ARHGAP24: variants seen among roughly 807,000 people sequenced by gnomAD.
ARHGAP24 encodes Rho GTPase activating protein 24, also known as rho GTPase-activating protein 24.
In ARHGAP24, 50 loss-of-function variants were observed where a neutral mutation model predicts 76.4. The ratio of observed to expected loss-of-function variants is 0.65; its 90% CI spans 0.52 to 0.83. The LOEUF (loss-of-function observed/expected upper bound fraction) is 0.83. Among genes scored for constraint, ARHGAP24 ranks in the 40% least tolerant of loss-of-function variants. The pLI is 0.00. For missense variants in ARHGAP24, 930 were observed against 914.2 expected (o/e 1.02, Z -0.22); for synonymous variants, 345 against 323.3 (o/e 1.07, Z -0.72).
intron 3 of ARHGAP24, among the ~76,000 whole-genome samples, chr4:85,895,000 G>GAA (rs1560701790): frequency 2.1e-5 from 1 of 47,986 alleles, no homozygotes; most frequent in Non-Finnish European, 4.5e-5. Flanking sequence ...AAAACAAAAA[G>GAA]CAAAAAAAAA....
chr4:85,700,134 C>T (rs934004593), intron 2 of ARHGAP24, among the ~76,000 whole-genome samples: 6 of 152,134 alleles, frequency 3.9e-5, no homozygotes, highest in Admixed American at 1.3e-4. Flanking sequence ...GTGCCTCACA[C>T]CTGTAATCCC....
At chr4:85,949,607 A>T (rs535562424) in intron 5 of ARHGAP24, among the ~76,000 whole-genome samples, 1 of 152,322 alleles carries the variant, frequency 6.6e-6, no homozygotes, top group East Asian at 1.9e-4. Context: ...ACCGTGGCTC[A>T]GTACTGAAAG....
chr4:85,490,847 A>G (rs1037653610), intron 1 of ARHGAP24, among the ~76,000 whole-genome samples: 11 of 152,220 alleles, frequency 7.2e-5, no homozygotes, highest in Admixed American at 6.5e-4. Flanking sequence ...AAAAGCCTTG[A>G]TAATTGTAGA....
chr4:85,977,745 G>A, intron 8 of ARHGAP24, 54 bp downstream of exon 8: 1 of 1,596,822 alleles, frequency 6.3e-7, no homozygotes, highest in Non-Finnish European at 8.6e-7. Context: ...ATTATCTCTT[G>A]ACTGGCCAGA....
At chr4:85,869,085 A>T (rs952127702) in intron 3 of ARHGAP24, among the ~76,000 whole-genome samples, 1 of 152,118 alleles carries the variant, frequency 6.6e-6, no homozygotes, top group African/African-American at 2.4e-5. Context: ...TACCAATGCA[A>T]TTGGCCCCTC....
chr4:85,589,115 A>G (rs7688778), intron 2 of ARHGAP24, among the ~76,000 whole-genome samples: 3,675 of 152,270 alleles, frequency 0.024, 141 homozygotes, highest in African/African-American at 0.083. Flanking sequence ...ATAGTTTTGC[A>G]GAGTGAAGCT....
At chr4:85,742,013 G>T (rs1193845039) in intron 3 of ARHGAP24, among the ~76,000 whole-genome samples, 1 of 152,188 alleles carries the variant, frequency 6.6e-6, no homozygotes, top group African/African-American at 2.4e-5. Flanking sequence ...TGTTCTATTT[G>T]CCAGAGTGGG....
chr4:85,566,166 T>C (rs1726837587), intron 1 of ARHGAP24, among the ~76,000 whole-genome samples: 1 of 152,222 alleles, frequency 6.6e-6, no homozygotes, highest in Non-Finnish European at 1.5e-5. Flanking sequence ...TTTATTTAGA[T>C]TATTACTTTG....
At chr4:85,958,738 C>A (rs190990190) in intron 5 of ARHGAP24, among the ~76,000 whole-genome samples, 170 of 152,158 alleles carry the variant, frequency 1.1e-3, no homozygotes, top group African/African-American at 2.3e-3. Flanking sequence ...GCAAATTTAC[C>A]AAGTCATGCA....
At position 85,504,673 on chromosome 4, in the gene ARHGAP24, A is replaced by G. The variant is rs184010441; in HGVS notation, c.-21+29114A>G. Reference sequence around the variant, plus strand: ...ACTGATGGGTCTTGACTCTTTATCCAGTTTGCCAGTTGGTGTCTTTTAATT... The same window carrying G: ...ACTGATGGGTCTTGACTCTTTATCCGGTTTGCCAGTTGGTGTCTTTTAATT... On this transcript the variant is annotated intron_variant, in intron 1 of 9. Transcript: ENST00000395184. Among the ~76,000 whole-genome samples the G allele has an allele frequency of 2.6e-3, 401 of 152,212 alleles. 6 individuals are homozygous for G. Among genetic ancestry groups the G allele is most frequent in the Non-Finnish European group, 9.6e-4 (65 of 68,020 alleles).
At chr4:85,696,383 T>C (rs1723866338) in intron 2 of ARHGAP24, among the ~76,000 whole-genome samples, 1 of 152,110 alleles carries the variant, frequency 6.6e-6, no homozygotes, top group Non-Finnish European at 1.5e-5. Flanking sequence ...AACATTCAGA[T>C]TGGTAACTTG....
intron 8 of ARHGAP24, among the ~76,000 whole-genome samples, chr4:85,993,007 T>G (rs1436899089): frequency 6.6e-6 from 1 of 152,150 alleles, no homozygotes; most frequent in Non-Finnish European, 1.5e-5. Flanking sequence ...ATCGTCTCTG[T>G]GCCCTGAGCA....
chr4:85,495,565 A>G (rs1723544610), intron 1 of ARHGAP24, among the ~76,000 whole-genome samples: 1 of 151,510 alleles, frequency 6.6e-6, no homozygotes, highest in Non-Finnish European at 1.5e-5. Flanking sequence ...GTTAGCCAGG[A>G]TGGGTCTCAA....
chr4:85,581,834 A>G (rs17388899), intron 2 of ARHGAP24, among the ~76,000 whole-genome samples: 37,538 of 151,990 alleles, frequency 0.25, 6,625 homozygotes, highest in East Asian at 0.85. Flanking sequence ...CATATATAAA[A>G]TACATGTGGT....
intron 1 of ARHGAP24, among the ~76,000 whole-genome samples, chr4:85,508,944 G>C (rs1724168343): frequency 6.6e-6 from 1 of 151,926 alleles, no homozygotes; most frequent in Non-Finnish European, 1.5e-5. Context: ...TGCTTATCAG[G>C]TCTGGCTCCT....
At chr4:85,928,968 C>T (rs775708315) in intron 4 of ARHGAP24, among the ~76,000 whole-genome samples, 34 of 152,198 alleles carry the variant, frequency 2.2e-4, no homozygotes, top group Non-Finnish European at 3.1e-4. Flanking sequence ...GGTCAGGCAA[C>T]GTGCACAGAC....
intron 3 of ARHGAP24, among the ~76,000 whole-genome samples, chr4:85,779,121 G>A (rs958140645): frequency 5.9e-5 from 9 of 152,046 alleles, no homozygotes; most frequent in Admixed American, 5.9e-4. Context: ...TTATTTTCTG[G>A]CTGTTGATAT....
intron 2 of ARHGAP24, among the ~76,000 whole-genome samples, chr4:85,721,161 C>T (rs577583880): frequency 5.3e-5 from 8 of 152,006 alleles, no homozygotes; most frequent in South Asian, 2.1e-4. Flanking sequence ...TTTGGGAAGC[C>T]GAGGCAGGTG....
intron 3 of ARHGAP24, among the ~76,000 whole-genome samples, chr4:85,783,759 C>G (rs914026322): frequency 1.3e-5 from 2 of 151,592 alleles, no homozygotes; most frequent in African/African-American, 4.8e-5. Context: ...CATATGATAG[C>G]TATGGGAACA....
Sources: gnomAD v4.1 joint callset for allele counts (sites outside exome capture counted in the v4.1 genomes callset) on GRCh38, gnomAD v4.1.1 for gene constraint, MANE v1.5 for transcripts, NCBI Gene and HGNC (gene_info 2026-07-23, HGNC 2026-07-21) for gene names.